The following PTPRD variants were observed in gnomAD, a reference collection of about 807,000 sequenced individuals.
The protein encoded by PTPRD is receptor-type tyrosine-protein phosphatase delta.
Under a neutral mutation model 214.5 loss-of-function variants are expected in PTPRD, and 34 were observed. The ratio of observed to expected loss-of-function variants is 0.16; its 90% confidence interval spans 0.12 to 0.21. The LOEUF is 0.21. Among genes scored for constraint, PTPRD ranks in the 10% least tolerant of loss-of-function variants. The probability of loss-of-function intolerance (pLI) is 1.00; values close to 1 mark genes in which losing one functional copy is unlikely to be tolerated. For synonymous variants in PTPRD, 1,128 were observed against 845.7 expected, an observed-to-expected ratio of 1.33 and a Z score of -5.79; for missense variants, 2,545 against 2,398.7, an observed-to-expected ratio of 1.06 and a Z score of -1.27.
At chr9:9,641,423 C>T (rs960272072) in intron 7 of PTPRD, among the ~76,000 whole-genome samples, 4 of 151,992 alleles carry the variant, frequency 2.6e-5, no homozygotes, top group Non-Finnish European at 4.4e-5. Context: ...GATGAGCAGG[C>T]AAAGATAAGT....
rs2097355327 is a variant in PTPRD, at chr9:8,499,850, C to T, written c.2129-10G>A. The T allele has an allele frequency of 3.1e-6, 5 of 1,597,814 alleles. No homozygotes were observed. Among genetic ancestry groups the T allele is most frequent in the East Asian group, 2.2e-5 (1 of 44,458 alleles). ...GGAGGACCACTAGGAACTGGAACAA[C>T]ATCATTGGATAAAAGAAATTATAGG... On this transcript the variant is annotated splice_polypyrimidine_tract_variant and intron_variant, in intron 24 of 45. Transcript: ENST00000381196.
rs557976823 is a variant in PTPRD, at chr9:9,645,295, T to A, written c.-286-70514A>T. ...GTCACCTGTAAAATGGAGACAATAA[T>A]GCCTATTTCTCAGAGTTGCTCTAGA... On this transcript the variant is annotated intron_variant, in intron 7 of 45. Transcript: ENST00000381196. Among the ~76,000 whole-genome samples the A allele has an allele frequency of 5.3e-5, 8 of 152,260 alleles. No individual in the cohort carries two copies. In the East Asian group the frequency reaches 1.5e-3, roughly 29 times the overall value.
At chr9:8,531,728 T>C (rs986731413) in intron 14 of PTPRD, among the ~76,000 whole-genome samples, 1 of 152,102 alleles carries the variant, frequency 6.6e-6, no homozygotes, top group Non-Finnish European at 1.5e-5. Context: ...TTACTTTTCT[T>C]CTACAAGTTC....
At chr9:9,190,718 C>G (rs2099934621) in intron 9 of PTPRD, among the ~76,000 whole-genome samples, 1 of 152,188 alleles carries the variant, frequency 6.6e-6, no homozygotes, top group Non-Finnish European at 1.5e-5. Flanking sequence ...TATCCAGTCT[C>G]AGGTATTTTG....
chr9:8,343,834 T>C (rs1854904922), intron 39 of PTPRD, among the ~76,000 whole-genome samples: 1 of 152,058 alleles, frequency 6.6e-6, no homozygotes, highest in East Asian at 1.9e-4. Context: ...TGGCTTGAGA[T>C]GCCTGCAGTA....
At chr9:8,863,482 T>A (rs564298052) in intron 11 of PTPRD, among the ~76,000 whole-genome samples, 15 of 152,236 alleles carry the variant, frequency 9.9e-5, no homozygotes, top group Non-Finnish European at 1.8e-4. Flanking sequence ...AACTGTATAT[T>A]ACACTTATTT....
chr9:8,478,566 T>C (rs993652355), intron 30 of PTPRD, among the ~76,000 whole-genome samples: 2 of 152,210 alleles, frequency 1.3e-5, no homozygotes, highest in Non-Finnish European at 2.9e-5. Context: ...TTCTGCTCTA[T>C]AAAGTCACAG....
intron 9 of PTPRD, among the ~76,000 whole-genome samples, chr9:9,303,330 T>A (rs1274171492): frequency 2.6e-5 from 4 of 152,026 alleles, no homozygotes; most frequent in Non-Finnish European, 5.9e-5. Context: ...CATGAAATTT[T>A]AAAAATCACA....
rs147337138 is a variant in PTPRD, at chr9:10,282,665, A to G, written c.-545+58298T>C. Among the ~76,000 whole-genome samples, 3 of 152,244 alleles carry G rather than the reference A, an allele frequency of 2.0e-5. No individual in the cohort carries two copies. In the East Asian group the frequency reaches 5.8e-4, roughly 29 times the overall value. On this transcript the variant is annotated intron_variant, in intron 3 of 45. Transcript: ENST00000381196. ...CTGAGCAGCTTTAAAAAATACTCAC[A>G]TCCCCCAACTTACATAGAATATTAA...
chr9:10,246,551 T>C (rs978520471), intron 3 of PTPRD, among the ~76,000 whole-genome samples: 3 of 152,128 alleles, frequency 2.0e-5, no homozygotes, highest in Non-Finnish European at 4.4e-5. Context: ...CCAAGATACA[T>C]GTTTTAAAAT....
At chr9:10,507,623 A>T (rs2133579830) in intron 2 of PTPRD, among the ~76,000 whole-genome samples, 1 of 152,300 alleles carries the variant, frequency 6.6e-6, no homozygotes, top group East Asian at 1.9e-4. Context: ...GGAACGGAAC[A>T]GAGCCCTCAG....
intron 10 of PTPRD, among the ~76,000 whole-genome samples, chr9:9,085,433 C>T (rs776122692): frequency 1.3e-5 from 2 of 152,106 alleles, no homozygotes; most frequent in Admixed American, 1.3e-4. Flanking sequence ...TAAGCTTTGA[C>T]GGGTACTAAT....
intron 35 of PTPRD, among the ~76,000 whole-genome samples, chr9:8,417,232 G>C (rs955301029): frequency 1.3e-5 from 2 of 152,070 alleles, no homozygotes; most frequent in Admixed American, 6.6e-5. Flanking sequence ...GGGAAGTTAA[G>C]TATAATCTTT....
At position 8,706,395 on chromosome 9, in the gene PTPRD, A is replaced by G. The variant is rs539077465; in HGVS notation, c.64+27385T>C. Among the ~76,000 whole-genome samples, 3 of 152,338 alleles carry G rather than the reference A, an allele frequency of 2.0e-5. No homozygotes were observed. The South Asian group carries it at 6.2e-4, about 32-fold the overall frequency. On this transcript the variant is annotated intron_variant, in intron 12 of 45. Transcript: ENST00000381196. Reference sequence around the variant, plus strand: ...GATTCATTTTAAAAAGCAACTTTTCAGACTTGAAATAGCTTTATGGAAGCA... The same window carrying G: ...GATTCATTTTAAAAAGCAACTTTTCGGACTTGAAATAGCTTTATGGAAGCA...
At chr9:10,342,324 A>G (rs1048784643) in intron 2 of PTPRD, among the ~76,000 whole-genome samples, 1 of 152,096 alleles carries the variant, frequency 6.6e-6, no homozygotes, top group African/African-American at 2.4e-5. Context: ...ATATAGAAGA[A>G]ATTTAACATG....
At chr9:9,461,333 A>G (rs982466762) in intron 8 of PTPRD, among the ~76,000 whole-genome samples, 4 of 152,076 alleles carry the variant, frequency 2.6e-5, no homozygotes, top group Admixed American at 6.6e-5. Context: ...AATTTTAAAT[A>G]AAATCATATC....
intron 12 of PTPRD, among the ~76,000 whole-genome samples, chr9:8,667,762 AAAAAT>A (rs1195895259): frequency 2.0e-5 from 3 of 152,094 alleles, no homozygotes; most frequent in African/African-American, 4.8e-5. Context: ...TCCAAAATAA[AAAAAT>A]AAAATAAAAT....
chr9:9,059,484 A>C (rs775213550), intron 10 of PTPRD, among the ~76,000 whole-genome samples: 3 of 152,154 alleles, frequency 2.0e-5, no homozygotes, highest in Admixed American at 6.5e-5. Context: ...AAACCAGAAA[A>C]TAACCCAGGC....
chr9:9,060,858 A>G (rs1330842833), intron 10 of PTPRD, among the ~76,000 whole-genome samples: 1 of 152,246 alleles, frequency 6.6e-6, no homozygotes, highest in Non-Finnish European at 1.5e-5. Flanking sequence ...ATATTATAAT[A>G]GACAAAACAA....
Sources: gnomAD v4.1 joint callset for allele counts (sites outside exome capture counted in the v4.1 genomes callset) on GRCh38, gnomAD v4.1.1 for gene constraint, MANE v1.5 for transcripts, NCBI Gene and HGNC (gene_info 2026-07-23, HGNC 2026-07-21) for gene names.